Variants in ENTREP2 observed in about 807,000 individuals in gnomAD.
ENTREP2 encodes endosomal transmembrane epsin interactor 2, also known as protein ENTREP2.
At chr15:29,459,173 C>T in the ENTREP2 span, among the ~76,000 whole-genome samples, 2 of 152,190 alleles carry the variant, frequency 1.3e-5, no homozygotes, top group Admixed American at 1.3e-4. Flanking sequence ...CAGCCTCCCG[C>T]ACCACTCCAT....
the ENTREP2 span, among the ~76,000 whole-genome samples, chr15:29,413,575 A>G: frequency 1.9e-4 from 29 of 152,284 alleles, no homozygotes; most frequent in Non-Finnish European, 3.5e-4. Flanking sequence ...CCAAACAACT[A>G]CACAAAAATC....
the ENTREP2 span, among the ~76,000 whole-genome samples, chr15:29,181,298 G>A: frequency 2.0e-5 from 3 of 152,010 alleles, no homozygotes; most frequent in Admixed American, 2.0e-4. Flanking sequence ...ACCAAGCCCT[G>A]GTGATTTTGT....
the ENTREP2 span, among the ~76,000 whole-genome samples, chr15:29,258,025 C>G: frequency 6.6e-6 from 1 of 151,966 alleles, no homozygotes; most frequent in Non-Finnish European, 1.5e-5. Context: ...TCCTGGCTAA[C>G]ACGGTGAAAC....
chr15:29,320,664 T>A, the ENTREP2 span, among the ~76,000 whole-genome samples: 1 of 152,134 alleles, frequency 6.6e-6, no homozygotes, highest in Non-Finnish European at 1.5e-5. Context: ...ATGGGTGGTA[T>A]AAGCAGAGAT....
chr15:29,552,806 A>T, the ENTREP2 span, among the ~76,000 whole-genome samples: 1,684 of 152,314 alleles, frequency 0.011, 33 homozygotes, highest in African/African-American at 0.038. Flanking sequence ...AGAATTTTAA[A>T]GTACCTTTTT....
chr15:29,254,161 C>CAAAAA, the ENTREP2 span, among the ~76,000 whole-genome samples: 77 of 61,334 alleles, frequency 1.3e-3, 6 homozygotes, highest in East Asian at 5.4e-3. Flanking sequence ...TGTTAAAGAG[C>CAAAAA]AAAAAAAAAA....
At chr15:29,501,776 AC>A in the ENTREP2 span, among the ~76,000 whole-genome samples, 116 of 152,092 alleles carry the variant, frequency 7.6e-4, no homozygotes, top group African/African-American at 2.7e-3. Flanking sequence ...TATAGAGAAA[AC>A]CCTAAATAAT....
chr15:29,123,331 T>C, the ENTREP2 span: 11 of 1,504,626 alleles, frequency 7.3e-6, no homozygotes, highest in Non-Finnish European at 8.9e-6. Context: ...GTCAGAAATG[T>C]GGCTCCTTCA....
chr15:29,269,680 C>G, the ENTREP2 span: 8 of 1,554,690 alleles, frequency 5.1e-6, no homozygotes, highest in Non-Finnish European at 6.9e-6. Context: ...GCCAGAGCGG[C>G]CCCGGTTCCT....
At chr15:29,446,440 G>A in the ENTREP2 span, among the ~76,000 whole-genome samples, 1 of 152,046 alleles carries the variant, frequency 6.6e-6, no homozygotes, top group East Asian at 1.9e-4. Context: ...CTTGCTGCCT[G>A]GAAGACAGAC....
the ENTREP2 span, among the ~76,000 whole-genome samples, chr15:29,138,164 G>A: frequency 3.3e-5 from 5 of 152,102 alleles, no homozygotes; most frequent in African/African-American, 1.2e-4. Context: ...GTAAAACACT[G>A]CTCTGAGGAA....
At chr15:29,197,601 A>T in the ENTREP2 span, among the ~76,000 whole-genome samples, 1 of 152,070 alleles carries the variant, frequency 6.6e-6, no homozygotes, top group Non-Finnish European at 1.5e-5. Context: ...CCCCGTCTCT[A>T]CTAAAAATAC....
chr15:29,525,226 T>C, the ENTREP2 span, among the ~76,000 whole-genome samples: 91 of 152,216 alleles, frequency 6.0e-4, no homozygotes, highest in African/African-American at 2.1e-3. Flanking sequence ...CATAGTTACA[T>C]ATGACCCAGT....
At chr15:29,622,233 G>T in the ENTREP2 span, among the ~76,000 whole-genome samples, 1 of 151,734 alleles carries the variant, frequency 6.6e-6, no homozygotes, top group South Asian at 2.1e-4. Flanking sequence ...TTGAGATGGA[G>T]TCTAGCTCTG....
the ENTREP2 span, among the ~76,000 whole-genome samples, chr15:29,208,472 T>G: frequency 6.6e-6 from 1 of 152,064 alleles, no homozygotes; most frequent in Non-Finnish European, 1.5e-5. Flanking sequence ...CTCTGCCCAG[T>G]GGCAGGGGAA....
chr15:29,555,562 T>G, the ENTREP2 span, among the ~76,000 whole-genome samples: 1 of 152,252 alleles, frequency 6.6e-6, no homozygotes, highest in African/African-American at 2.4e-5. Flanking sequence ...GCAGCCACCA[T>G]GACGAGCAGC....
the ENTREP2 span, among the ~76,000 whole-genome samples, chr15:29,285,386 C>T: frequency 1.3e-5 from 2 of 152,128 alleles, no homozygotes; most frequent in Admixed American, 1.3e-4. Flanking sequence ...GAAGTATGAA[C>T]AATAGCAAAG....
the ENTREP2 span, among the ~76,000 whole-genome samples, chr15:29,336,213 G>A: frequency 6.6e-6 from 1 of 151,132 alleles, no homozygotes; most frequent in African/African-American, 2.4e-5. Context: ...TGTCCAAACT[G>A]TGAGTTCACA....
chr15:29,326,383 C>G, the ENTREP2 span, among the ~76,000 whole-genome samples: 19 of 152,120 alleles, frequency 1.2e-4, no homozygotes, highest in African/African-American at 4.1e-4. Context: ...TCACAGGATA[C>G]AATATTAATA....
Sources: gnomAD v4.1 joint callset for allele counts (sites outside exome capture counted in the v4.1 genomes callset) on GRCh38, gnomAD v4.1.1 for gene constraint, MANE v1.5 for transcripts, NCBI Gene and HGNC (gene_info 2026-07-23, HGNC 2026-07-21) for gene names.